The following PPP3CA variants were observed in gnomAD, a reference collection of about 807,000 sequenced individuals.
PPP3CA encodes protein phosphatase 3 catalytic subunit alpha, also known as CAM-PRP catalytic subunit.
Under a neutral mutation model 66.5 loss-of-function variants are expected in PPP3CA, and 14 were observed. The observed-to-expected ratio is 0.21, with a 90% CI of 0.14 to 0.33. The LOEUF (loss-of-function observed/expected upper bound fraction) is 0.33, where lower values mean the gene tolerates loss of function less well. Ranked by LOEUF, PPP3CA falls within the 10% of genes least tolerant of loss-of-function variation. PPP3CA has a pLI of 1.00. For missense variants in PPP3CA, 317 were observed against 639.5 expected (o/e 0.50, Z 5.44); for synonymous variants, 232 against 226.2 (o/e 1.03, Z -0.23).
chr4:101,189,606 T>C (rs1724525770), intron 2 of PPP3CA, among the ~76,000 whole-genome samples: 1 of 146,572 alleles, frequency 6.8e-6, no homozygotes, highest in South Asian at 2.1e-4. Context: ...ATTTGTAGAA[T>C]GGAACTGATA....
At chr4:101,065,621 C>A (rs910158306) in intron 8 of PPP3CA, among the ~76,000 whole-genome samples, 1 of 152,092 alleles carries the variant, frequency 6.6e-6, no homozygotes, top group Non-Finnish European at 1.5e-5. Flanking sequence ...AGATCTCACT[C>A]ATTATTTAAA....
intron 4 of PPP3CA, 103 bp from the exon 5 acceptor site, chr4:101,098,615 T>A: frequency 2.8e-6 from 3 of 1,083,810 alleles, no homozygotes; most frequent in Non-Finnish European, 3.9e-6. Context: ...ACCCTATTAT[T>A]AACATAAAGG....
chr4:101,335,688 G>A (rs546709006), intron 1 of PPP3CA, among the ~76,000 whole-genome samples: 4 of 152,198 alleles, frequency 2.6e-5, no homozygotes, highest in Admixed American at 2.6e-4. Flanking sequence ...CCTCCCAAAG[G>A]GTATCTCGGG....
chr4:101,084,538 G>A (rs1196907001), intron 6 of PPP3CA, among the ~76,000 whole-genome samples: 1 of 151,974 alleles, frequency 6.6e-6, no homozygotes, highest in Admixed American at 6.6e-5. Context: ...AACTACTCGG[G>A]AGGCTGAGGC....
chr4:101,076,131 C>A (rs898041818), intron 8 of PPP3CA, among the ~76,000 whole-genome samples: 2 of 152,018 alleles, frequency 1.3e-5, no homozygotes, highest in Non-Finnish European at 2.9e-5. Context: ...TCCTTTAGGT[C>A]TACAGATTCA....
chr4:101,057,606 G>A (rs1728281931), intron 10 of PPP3CA, among the ~76,000 whole-genome samples: 3 of 152,038 alleles, frequency 2.0e-5, no homozygotes, highest in South Asian at 4.1e-4. Context: ...TGCTGGCCCG[G>A]CAGTTTCCAA....
At chr4:101,120,752 A>C (rs1372678094) in intron 2 of PPP3CA, among the ~76,000 whole-genome samples, 2 of 152,036 alleles carry the variant, frequency 1.3e-5, no homozygotes, top group African/African-American at 4.8e-5. Flanking sequence ...GACACTATAT[A>C]AAAGTTTTTT....
intron 1 of PPP3CA, among the ~76,000 whole-genome samples, chr4:101,331,001 C>A (rs531422651): frequency 1.3e-5 from 2 of 152,112 alleles, no homozygotes; most frequent in African/African-American, 2.4e-5. Flanking sequence ...AAAATATCTG[C>A]CCCACGAAAA....
chr4:101,079,554 G>GT (rs933669423), intron 8 of PPP3CA, among the ~76,000 whole-genome samples: 39 of 151,340 alleles, frequency 2.6e-4, no homozygotes, highest in East Asian at 1.2e-3. Context: ...AATTTTTTGT[G>GT]TTTTTTTTAG....
At chr4:101,160,953 CA>C in intron 2 of PPP3CA, among the ~76,000 whole-genome samples, 1 of 152,140 alleles carries the variant, frequency 6.6e-6, no homozygotes, top group African/African-American at 2.4e-5. Context: ...CTTCCTTCTA[CA>C]AAGAAATACA....
At chr4:101,236,763 T>C (rs1726144530) in intron 1 of PPP3CA, among the ~76,000 whole-genome samples, 1 of 151,908 alleles carries the variant, frequency 6.6e-6, no homozygotes, top group Non-Finnish European at 1.5e-5. Context: ...TAAGAAAATT[T>C]CTGGAGTAGG....
chr4:101,224,138 G>C (rs1725708665), intron 1 of PPP3CA, among the ~76,000 whole-genome samples: 1 of 151,706 alleles, frequency 6.6e-6, no homozygotes. Flanking sequence ...TTAAAACCAG[G>C]ACACTATGAG....
At chr4:101,322,529 GCCTCCC>G (rs1729073103) in intron 1 of PPP3CA, among the ~76,000 whole-genome samples, 1 of 151,152 alleles carries the variant, frequency 6.6e-6, no homozygotes, top group African/African-American at 2.4e-5. Context: ...TCGTGCCTCA[GCCTCCC>G]AAGTAGCTGG....
At chr4:101,043,841 C>T (rs890568963) in intron 10 of PPP3CA, among the ~76,000 whole-genome samples, 5 of 151,980 alleles carry the variant, frequency 3.3e-5, no homozygotes, top group African/African-American at 1.2e-4. Flanking sequence ...TGCCATTGCA[C>T]TCCAGCCTGG....
At chr4:101,106,278 G>A (rs1483325486) in intron 3 of PPP3CA, among the ~76,000 whole-genome samples, 1 of 151,142 alleles carries the variant, frequency 6.6e-6, no homozygotes, top group Non-Finnish European at 1.5e-5. Context: ...CTATGACTGT[G>A]CCACTGCAGA....
chr4:101,127,537 A>T (rs746280020), intron 2 of PPP3CA, among the ~76,000 whole-genome samples: 2 of 152,130 alleles, frequency 1.3e-5, no homozygotes, highest in Non-Finnish European at 2.9e-5. Context: ...CAGAAGCTGG[A>T]AGAGGCAAGG....
At chr4:101,273,541 G>A (rs1727397999) in intron 1 of PPP3CA, among the ~76,000 whole-genome samples, 1 of 152,134 alleles carries the variant, frequency 6.6e-6, no homozygotes. Context: ...TGGCCAGGCT[G>A]GTCTCGAACT....
In PPP3CA at chr4:101,090,898, ATC is replaced by A. The variant is rs1489939653; in HGVS notation, c.782+2876_782+2877del. 2.7e-5 allele frequency among the ~76,000 whole-genome samples: 3 copies of A among 111,606 alleles called. 1 individual carries two copies. The highest frequency in any genetic ancestry group is 5.6e-5 in the Non-Finnish European group (3 of 53,954). The allele number at this position is 111,606 out of a possible 152,430, so 73.2% of individuals were successfully genotyped here. Reference sequence around the variant, plus strand: ...TGTCTATATTATAATATACACACATATCTGTGTCTATATTATAATATACACAC... The same window carrying A: ...TGTCTATATTATAATATACACACATATGTGTCTATATTATAATATACACAC... On this transcript the variant is annotated intron_variant, in intron 6 of 13. Transcript: ENST00000394854.
chr4:101,065,824 G>A (rs1349716590), intron 8 of PPP3CA, among the ~76,000 whole-genome samples: 3 of 152,028 alleles, frequency 2.0e-5, no homozygotes, highest in Admixed American at 2.0e-4. Context: ...TACAAGCAAG[G>A]GTAAGTCTCA....
Sources: gnomAD v4.1 joint callset for allele counts (sites outside exome capture counted in the v4.1 genomes callset) on GRCh38, gnomAD v4.1.1 for gene constraint, MANE v1.5 for transcripts, NCBI Gene and HGNC (gene_info 2026-07-23, HGNC 2026-07-21) for gene names.